TTC28: variants seen among roughly 807,000 people sequenced by gnomAD.
TTC28 encodes tetratricopeptide repeat domain 28, also known as tetratricopeptide repeat protein 28.
A neutral mutation model predicts 198.0 loss-of-function variants in TTC28; 61 were observed. That is an observed-to-expected ratio of 0.31 (90% confidence interval 0.25 to 0.38). The LOEUF (loss-of-function observed/expected upper bound fraction) is 0.38, where lower values mean the gene tolerates loss of function less well. Ranked by LOEUF, TTC28 falls within the 10% of genes least tolerant of loss-of-function variation. TTC28 has a pLI of 1.00. For synonymous variants in TTC28, 1,171 were observed against 1,297.8 expected, an observed-to-expected ratio of 0.90 and a Z score of 2.10; for missense variants, 2,678 against 3,164.0, an observed-to-expected ratio of 0.85 and a Z score of 3.69.
intron 6 of TTC28, among the ~76,000 whole-genome samples, chr22:28,160,224 T>C (rs930970226): frequency 6.6e-6 from 1 of 152,220 alleles, no homozygotes; most frequent in Non-Finnish European, 1.5e-5. Context: ...TTGGATTGTT[T>C]GTAACACAAA....
chr22:28,164,711 C>T (rs1921679702), intron 5 of TTC28, among the ~76,000 whole-genome samples: 1 of 152,120 alleles, frequency 6.6e-6, no homozygotes, highest in Non-Finnish European at 1.5e-5. Flanking sequence ...AGCAGAAAAA[C>T]CGGAAACTCT....
chr22:28,643,892 A>G (rs2051410629), intron 1 of TTC28, among the ~76,000 whole-genome samples: 1 of 152,214 alleles, frequency 6.6e-6, no homozygotes, highest in Non-Finnish European at 1.5e-5. Flanking sequence ...ACTCTTCACA[A>G]AACTCTATAA....
intron 14 of TTC28, chr22:28,007,932 G>A (rs1281078994): frequency 1.3e-5 from 2 of 152,088 alleles, no homozygotes; most frequent in South Asian, 2.1e-4. Context: ...TTGTCCTTGG[G>A]TGATGTCTGT....
intron 21 of TTC28, 117 bp from the exon 22 acceptor site, chr22:27,985,473 A>G: frequency 1.3e-6 from 1 of 796,674 alleles, no homozygotes; most frequent in Non-Finnish European, 2.0e-6. Flanking sequence ...CCCTTCAGCA[A>G]GCATTTGGGC....
intron 2 of TTC28, among the ~76,000 whole-genome samples, chr22:28,516,527 G>A (rs923028529): frequency 4.7e-5 from 7 of 148,172 alleles, no homozygotes; most frequent in East Asian, 2.0e-4. Context: ...ACCAAACACC[G>A]CACGTTTTCA....
chr22:28,155,894 G>T (rs545429458), intron 6 of TTC28, among the ~76,000 whole-genome samples: 1 of 152,320 alleles, frequency 6.6e-6, no homozygotes, highest in African/African-American at 2.4e-5. Flanking sequence ...TGATGTGTGG[G>T]ATGGAAGAGA....
chr22:28,560,550 T>C (rs1215242005), intron 2 of TTC28, among the ~76,000 whole-genome samples: 1 of 152,156 alleles, frequency 6.6e-6, no homozygotes, highest in Non-Finnish European at 1.5e-5. Context: ...GTTTTTCCCA[T>C]ACATAATCAT....
intron 2 of TTC28, among the ~76,000 whole-genome samples, chr22:28,559,104 T>C (rs1317228623): frequency 2.6e-5 from 4 of 152,186 alleles, no homozygotes; most frequent in Non-Finnish European, 1.5e-5. Flanking sequence ...AGAGTTGATA[T>C]GTAGAGGGCC....
At chr22:28,427,860 CCTCCT>C (rs1364641869) in intron 2 of TTC28, among the ~76,000 whole-genome samples, 1 of 151,932 alleles carries the variant, frequency 6.6e-6, no homozygotes, top group Non-Finnish European at 1.5e-5. Context: ...CTTCTCCTCC[CCTCCT>C]ACCTTCCTTT....
chr22:28,286,050 A>G (rs2044680475), intron 5 of TTC28, among the ~76,000 whole-genome samples: 1 of 151,676 alleles, frequency 6.6e-6, no homozygotes. Flanking sequence ...CCCAGGCTGG[A>G]GTGCAGTGGC....
intron 2 of TTC28, among the ~76,000 whole-genome samples, chr22:28,374,817 G>A (rs2046385071): frequency 6.6e-6 from 1 of 152,022 alleles, no homozygotes; most frequent in Non-Finnish European, 1.5e-5. Context: ...GAGTAGCTGG[G>A]ATTGCAGGCT....
At chr22:28,516,311 TTC>T (rs2048785384) in intron 2 of TTC28, among the ~76,000 whole-genome samples, 2 of 152,170 alleles carry the variant, frequency 1.3e-5, no homozygotes, top group Non-Finnish European at 2.9e-5. Context: ...AATTAAGTAT[TTC>T]AAAAACAAAA....
intron 5 of TTC28, among the ~76,000 whole-genome samples, chr22:28,240,757 C>T (rs908412491): frequency 4.0e-5 from 6 of 151,838 alleles, no homozygotes; most frequent in Non-Finnish European, 5.9e-5. Flanking sequence ...TCTTGCTGCA[C>T]CAGAAAGTAA....
At chr22:28,592,121 T>C (rs957236775) in intron 2 of TTC28, among the ~76,000 whole-genome samples, 18 of 151,946 alleles carry the variant, frequency 1.2e-4, no homozygotes, top group South Asian at 2.1e-4. Context: ...TGGTAGGACA[T>C]GAACTAGGTT....
At chr22:28,348,947 C>T (rs2045949306) in intron 2 of TTC28, among the ~76,000 whole-genome samples, 1 of 152,182 alleles carries the variant, frequency 6.6e-6, no homozygotes, top group Non-Finnish European at 1.5e-5. Context: ...TGTGCATAAT[C>T]ACTGATGAAC....
chr22:28,493,045 AC>A (rs1215438399), intron 2 of TTC28, among the ~76,000 whole-genome samples: 1 of 146,738 alleles, frequency 6.8e-6, no homozygotes, highest in Non-Finnish European at 1.5e-5. Context: ...GGTTCACGAT[AC>A]TAAAAAAAAA....
At chr22:28,336,050 G>C (rs1013345808) in intron 2 of TTC28, among the ~76,000 whole-genome samples, 1 of 152,132 alleles carries the variant, frequency 6.6e-6, no homozygotes, top group African/African-American at 2.4e-5. Context: ...TAGCACGAAG[G>C]GCTGTTGAAT....
At chr22:28,176,196 T>C (rs1381303025) in intron 5 of TTC28, among the ~76,000 whole-genome samples, 1 of 151,974 alleles carries the variant, frequency 6.6e-6, no homozygotes, top group Non-Finnish European at 1.5e-5. Flanking sequence ...ATAAAGAAAA[T>C]GTGGTATACA....
At chr22:28,036,532 A>C (rs1314430577) in intron 12 of TTC28, among the ~76,000 whole-genome samples, 1 of 152,210 alleles carries the variant, frequency 6.6e-6, no homozygotes, top group Non-Finnish European at 1.5e-5. Context: ...TGTAGAGGGA[A>C]ATTTATAGCA....
Sources: allele counts gnomAD v4.1 joint callset (sites outside exome capture counted in the v4.1 genomes callset), GRCh38; gene constraint gnomAD v4.1.1; transcripts MANE v1.5; gene names NCBI Gene and HGNC (gene_info 2026-07-23, HGNC 2026-07-21).